Variants in ASCL5 observed in about 807,000 individuals in gnomAD.
The protein encoded by ASCL5 is achaete-scute homolog 5.
For missense variants in ASCL5, 262 were observed against 268.9 expected, an observed-to-expected ratio of 0.97 and a Z score of 0.18; for synonymous variants, 124 against 131.5, an observed-to-expected ratio of 0.94 and a Z score of 0.39.
chr1:201,115,450 T>A lies in ASCL5; in HGVS notation c.-78A>T. The A allele has an allele frequency of 2.6e-6, 3 of 1,172,406 alleles. No homozygotes were observed. Among genetic ancestry groups the A allele is most frequent in the Non-Finnish European group, 3.2e-6 (3 of 934,288 alleles). The allele number at this position is 1,172,406 out of a possible 1,614,324, so 72.6% of individuals were successfully genotyped here. A position where few individuals can be genotyped will look rare whatever the true frequency, so the allele number is the denominator to read the frequency against. On this transcript the variant is annotated 5_prime_UTR_variant, in exon 2 of 2. Coordinates refer to ENST00000449188, the MANE Select transcript of ASCL5 (RefSeq NM_001270601.2). ...TTGGGGTCTGCACCGTCTCCACCAGTGGGGCAAGTCACATCGCTAGCAGCA... is the reference window on the plus strand; with the variant it reads ...TTGGGGTCTGCACCGTCTCCACCAGAGGGGCAAGTCACATCGCTAGCAGCA...
intron 1 of ASCL5, among the ~76,000 whole-genome samples, chr1:201,124,950 G>A (rs1357506051): frequency 6.6e-6 from 1 of 152,164 alleles, no homozygotes; most frequent in Non-Finnish European, 1.5e-5. Context: ...CCCTCTGTGT[G>A]CAGGCTGTCA....
At chr1:201,121,298 T>C (rs1046798829) in intron 1 of ASCL5, among the ~76,000 whole-genome samples, 5 of 152,178 alleles carry the variant, frequency 3.3e-5, no homozygotes, top group African/African-American at 4.8e-5. Context: ...ATCTTCAGGG[T>C]AAATGTATTT....
chr1:201,124,633 C>T (rs1663545801), intron 1 of ASCL5, among the ~76,000 whole-genome samples: 1 of 152,228 alleles, frequency 6.6e-6, no homozygotes, highest in Admixed American at 6.5e-5. Context: ...CTCTGCAGAT[C>T]ATATTAATAG....
chr1:201,115,152 C>A lies in ASCL5; in HGVS notation c.221G>T (p.Gly74Val). 2 of 1,231,634 alleles carry A rather than the reference C, an allele frequency of 1.6e-6. No individual in the cohort carries two copies. The highest frequency in any genetic ancestry group is 4.1e-5 in the South Asian group (1 of 24,312). 76.3% of individuals were successfully genotyped at this position (1,231,634 alleles called of 1,614,324 possible). A position where few individuals can be genotyped will look rare whatever the true frequency, so the allele number is the denominator to read the frequency against. Residue 74 changes from glycine to valine, a missense_variant, in exon 2 of 2, where the codon GGG becomes GTG. Physicochemically the swap from Gly to Val is moderately radical, Grantham distance 109 (BLOSUM62 -3). Transcript: ENST00000449188. Reference protein sequence around the residue: ...FPYVPFPGAFGVYEYPFEPAF... With the variant: ...FPYVPFPGAFVVYEYPFEPAF... ...TGGCTCGAAGGGGTATTCGTAGACC[C>A]CGAAGGCGCCGGGGAAGGGCACGTA... is the stretch of plus-strand genomic sequence containing the variant.
intron 1 of ASCL5, among the ~76,000 whole-genome samples, chr1:201,124,236 G>A (rs915847418): frequency 6.6e-6 from 1 of 152,208 alleles, no homozygotes; most frequent in African/African-American, 2.4e-5. Context: ...CTGTGCCTGA[G>A]CCTCCCTTGA....
In ASCL5 at chr1:201,115,157, G is replaced by A; in HGVS notation, c.216C>T (p.Ala72=). Residue 72 remains alanine, a synonymous_variant, in exon 2 of 2, where the codon GCC becomes GCT. Coordinates refer to ENST00000449188, the MANE Select transcript of ASCL5 (RefSeq NM_001270601.2). The part of the protein sequence containing the change: ...GVFPYVPFPG[A]FGVYEYPFEP... The stretch of plus-strand genomic sequence containing the variant: ...CGAAGGGGTATTCGTAGACCCCGAA[G>A]GCGCCGGGGAAGGGCACGTAGGGGA... The A allele has an allele frequency of 4.1e-6, 5 of 1,231,716 alleles. No individual in the cohort carries two copies. The highest frequency in any genetic ancestry group is 5.1e-6 in the Non-Finnish European group (5 of 987,964). 76.3% of individuals were successfully genotyped at this position (1,231,716 alleles called of 1,614,324 possible). A position where few individuals can be genotyped will look rare whatever the true frequency, so the allele number is the denominator to read the frequency against.
intron 1 of ASCL5, among the ~76,000 whole-genome samples, chr1:201,118,628 C>T (rs1399053898): frequency 3.3e-5 from 5 of 152,076 alleles, no homozygotes; most frequent in Admixed American, 2.6e-4. Context: ...CATTAAGCGG[C>T]GTGATTTTCA....
Position 201,120,783 on chromosome 1 carries a change from C to T in ASCL5, c.-505-4906G>A, listed in dbSNP as rs776433708. On this transcript the variant is annotated intron_variant, in intron 1 of 1. Transcript: ENST00000449188. ...GTCTCTTTCAACAGGGAACCCATGG[C>T]TCTGAAGGAAGTATTGGGGAAAGTG... 5.1e-4 allele frequency among the ~76,000 whole-genome samples: 78 copies of T among 152,336 alleles called. 1 individual carries two copies. Among genetic ancestry groups the T allele is most frequent in the Admixed American group, 7.8e-4 (12 of 15,300 alleles).
At chr1:201,116,218 G>T (rs1257670939) in intron 1 of ASCL5, among the ~76,000 whole-genome samples, 1 of 152,204 alleles carries the variant, frequency 6.6e-6, no homozygotes, top group Admixed American at 6.5e-5. Flanking sequence ...TTGAGACTGG[G>T]GGATTAAGTC....
At chr1:201,117,325 A>T (rs1280596781) in intron 1 of ASCL5, among the ~76,000 whole-genome samples, 1 of 152,038 alleles carries the variant, frequency 6.6e-6, no homozygotes, top group Non-Finnish European at 1.5e-5. Context: ...AATCCCAGCT[A>T]ATTGGGAGGC....
intron 1 of ASCL5, among the ~76,000 whole-genome samples, chr1:201,125,442 C>T (rs544559899): frequency 2.6e-5 from 4 of 152,278 alleles, no homozygotes; most frequent in South Asian, 4.1e-4. Context: ...TGCTCCTTTC[C>T]GGGAGAATTA....
At chr1:201,126,048 G>A (rs1465446157) in intron 1 of ASCL5, among the ~76,000 whole-genome samples, 2 of 152,192 alleles carry the variant, frequency 1.3e-5, no homozygotes, top group African/African-American at 2.4e-5. Flanking sequence ...ACACCGTAGG[G>A]AAGGAGACTG....
Position 201,115,152 on chromosome 1 carries a change from C to G in ASCL5, c.221G>C (p.Gly74Ala). ...TGGCTCGAAGGGGTATTCGTAGACCCCGAAGGCGCCGGGGAAGGGCACGTA... is the reference window on the plus strand; with the variant it reads ...TGGCTCGAAGGGGTATTCGTAGACCGCGAAGGCGCCGGGGAAGGGCACGTA... ...FPYVPFPGAF[G>A]VYEYPFEPAF... is the part of the protein sequence containing the mutation. Residue 74 changes from glycine to alanine, a missense_variant, in exon 2 of 2, where the codon GGG becomes GCG. Gly to Ala is a moderately conservative substitution (Grantham distance 60). Coordinates refer to ENST00000449188, the MANE Select transcript of ASCL5 (RefSeq NM_001270601.2). 1 of 1,231,634 alleles carries G rather than the reference C, an allele frequency of 8.1e-7. No homozygotes were observed. The highest frequency in any genetic ancestry group is 1.0e-6 in the Non-Finnish European group (1 of 987,946). The allele number at this position is 1,231,634 out of a possible 1,614,324, so 76.3% of individuals were successfully genotyped here. A position where few individuals can be genotyped will look rare whatever the true frequency, so the allele number is the denominator to read the frequency against.
Position 201,115,000 on chromosome 1 carries a change from G to A in ASCL5, c.373C>T (p.Leu125=). The A allele has an allele frequency of 8.1e-7, 1 of 1,231,750 alleles. No individual in the cohort carries two copies. Among genetic ancestry groups the A allele is most frequent in the Non-Finnish European group, 1.0e-6 (1 of 988,004 alleles). The allele number at this position is 1,231,750 out of a possible 1,614,324, so 76.3% of individuals were successfully genotyped here. A position where few individuals can be genotyped will look rare whatever the true frequency, so the allele number is the denominator to read the frequency against. Residue 125 remains leucine (L), a synonymous_variant, in exon 2 of 2, where the codon CTG becomes TTG. Coordinates refer to ENST00000449188, the MANE Select transcript of ASCL5 (RefSeq NM_001270601.2). ...AEKRLSKVET[L]RAAIRYIKYL... ...TTTATGTAGCGGATGGCGGCGCGCA[G>A]CGTCTCCACCTTGCTGAGTCGCTTC... is the stretch of plus-strand genomic sequence containing the variant.
chr1:201,126,314 A>C (rs952870549), intron 1 of ASCL5, among the ~76,000 whole-genome samples: 1 of 151,948 alleles, frequency 6.6e-6, no homozygotes, highest in Non-Finnish European at 1.5e-5. Context: ...TTGTAGAGAC[A>C]GAATCTTGAA....
chr1:201,121,984 A>G (rs1178504359), intron 1 of ASCL5, among the ~76,000 whole-genome samples: 3 of 152,222 alleles, frequency 2.0e-5, no homozygotes, highest in Non-Finnish European at 4.4e-5. Context: ...CATATTCAAC[A>G]TAAGCAATCC....
chr1:201,118,312 T>C (rs1256291532), intron 1 of ASCL5, among the ~76,000 whole-genome samples: 1 of 152,006 alleles, frequency 6.6e-6, no homozygotes, highest in East Asian at 1.9e-4. Flanking sequence ...AAACCCTGTC[T>C]CTACAAAAAA....
At chr1:201,123,603 ATCC>A (rs922038010) in intron 1 of ASCL5, among the ~76,000 whole-genome samples, 9 of 152,286 alleles carry the variant, frequency 5.9e-5, no homozygotes, top group Non-Finnish European at 1.2e-4. Flanking sequence ...GATTCAAGGG[ATCC>A]TTTCTACACT....
chr1:201,120,986 C>T, intron 1 of ASCL5, among the ~76,000 whole-genome samples: 1 of 152,218 alleles, frequency 6.6e-6, no homozygotes, highest in East Asian at 1.9e-4. Flanking sequence ...TGACAGAACT[C>T]ATTAGCTTTG....
Sources: gnomAD v4.1 joint callset for allele counts (sites outside exome capture counted in the v4.1 genomes callset) on GRCh38, gnomAD v4.1.1 for gene constraint, MANE v1.5 for transcripts, NCBI Gene and HGNC (gene_info 2026-07-23, HGNC 2026-07-21) for gene names.